Variants in DENND2C observed in about 807,000 individuals in gnomAD.
DENND2C encodes DENN domain-containing protein 2C.
In DENND2C, 72 loss-of-function variants were observed where a neutral mutation model predicts 112.4. That is an observed-to-expected ratio of 0.64 (90% confidence interval 0.53 to 0.78). The LOEUF (loss-of-function observed/expected upper bound fraction) is 0.78, where lower values mean the gene tolerates loss of function less well. Among genes scored for constraint, DENND2C ranks in the 30% least tolerant of loss-of-function variants. The pLI is 0.00. For synonymous variants in DENND2C, 329 were observed against 381.6 expected, an observed-to-expected ratio of 0.86 and a Z score of 1.61; for missense variants, 992 against 1,113.8, an observed-to-expected ratio of 0.89 and a Z score of 1.56.
chr1:114,621,014 A>G (rs941267960), intron 7 of DENND2C, among the ~76,000 whole-genome samples: 3 of 152,240 alleles, frequency 2.0e-5, no homozygotes, highest in Non-Finnish European at 4.4e-5. Flanking sequence ...TCACTACAGC[A>G]GAGTATGTGC....
chr1:114,628,468 G>A (rs1202424356), intron 3 of DENND2C, among the ~76,000 whole-genome samples: 1 of 152,026 alleles, frequency 6.6e-6, no homozygotes, highest in Non-Finnish European at 1.5e-5. Flanking sequence ...AAAATATGTA[G>A]GTATTTTCTT....
chr1:114,652,350 T>G (rs934615936), intron 2 of DENND2C, among the ~76,000 whole-genome samples: 3 of 152,192 alleles, frequency 2.0e-5, no homozygotes, highest in African/African-American at 7.2e-5. Flanking sequence ...CCCTCACACA[T>G]GCACTGCAAT....
intron 3 of DENND2C, among the ~76,000 whole-genome samples, chr1:114,631,713 C>T (rs1354375431): frequency 2.0e-5 from 3 of 151,874 alleles, no homozygotes; most frequent in Non-Finnish European, 2.9e-5. Flanking sequence ...ACATGGGAGG[C>T]GGAGCTTGCA....
intron 13 of DENND2C, 124 bp downstream of exon 13, chr1:114,601,384 C>CA (rs1222274215): frequency 6.7e-6 from 6 of 898,422 alleles, no homozygotes; most frequent in Non-Finnish European, 1.0e-5. Context: ...TTTAAGCCTT[C>CA]AGGCACGTGG....
chr1:114,641,699 G>T (rs928957381), intron 3 of DENND2C, among the ~76,000 whole-genome samples: 6 of 152,102 alleles, frequency 3.9e-5, no homozygotes, highest in African/African-American at 1.2e-4. Context: ...AGAACCATAA[G>T]CCAAATAAAC....
At chr1:114,652,410 C>T (rs1657190657) in intron 2 of DENND2C, among the ~76,000 whole-genome samples, 1 of 152,062 alleles carries the variant, frequency 6.6e-6, no homozygotes, top group Non-Finnish European at 1.5e-5. Flanking sequence ...TGTCCAGCCC[C>T]CTTTTCTCAA....
chr1:114,619,749 A>G (rs116729198), intron 7 of DENND2C, among the ~76,000 whole-genome samples: 4,011 of 152,342 alleles, frequency 0.026, 94 homozygotes, highest in Non-Finnish European at 0.034. Context: ...TTTGGGTTAC[A>G]TAATGACCCA....
At chr1:114,642,483 G>C (rs557695383) in intron 3 of DENND2C, among the ~76,000 whole-genome samples, 1 of 152,242 alleles carries the variant, frequency 6.6e-6, no homozygotes, top group Admixed American at 6.5e-5. Context: ...TTTGGTTCTT[G>C]GTTGTAAATC....
Position 114,623,111 on chromosome 1 carries a change from AT to A in DENND2C, c.944-13del, listed in dbSNP as rs1656212932. ...TTCTTTGGTGGGATCTTAAAAAATA[AT>A]TTAAAAAAATGTTTACATGAACATA... On this transcript the variant is annotated splice_polypyrimidine_tract_variant and intron_variant, in intron 5 of 20. Coordinates refer to ENST00000393274, the MANE Select transcript of DENND2C (RefSeq NM_001256404.2). The A allele has an allele frequency of 6.3e-7, 1 of 1,590,990 alleles. No homozygotes were observed. Among genetic ancestry groups the A allele is most frequent in the Non-Finnish European group, 8.5e-7 (1 of 1,170,132 alleles).
At chr1:114,617,859 A>AT (rs965645690) in intron 8 of DENND2C, among the ~76,000 whole-genome samples, 1 of 152,086 alleles carries the variant, frequency 6.6e-6, no homozygotes, top group Non-Finnish European at 1.5e-5. Flanking sequence ...GTTTATGATT[A>AT]TTTTTTCATT....
Position 114,623,093 on chromosome 1 carries a change from G to A in DENND2C, c.950C>T (p.Thr317Ile), listed in dbSNP as rs1404559458. The part of the protein sequence containing the change: ...DNIYEDIIYP[T>I]KENPYEDIPV... ...AATATCTTCATATGGATTTTCTTTG[G>A]TGGGATCTTAAAAAATAATTTAAAA... is the stretch of plus-strand genomic sequence containing the variant. The change falls in exon 6 of 21, where the codon ACC becomes ATC. Residue 317 changes from threonine to isoleucine, a missense_variant. Around this residue, in one of 3 missense-constraint regions of DENND2C, gnomAD observed 470 missense variants for 472.7 expected, o/e 0.99. Coordinates refer to ENST00000393274, the MANE Select transcript of DENND2C (RefSeq NM_001256404.2). 1.2e-6 allele frequency: 2 copies of A among 1,602,602 alleles called. No homozygotes were observed. Among genetic ancestry groups the A allele is most frequent in the Non-Finnish European group, 1.7e-6 (2 of 1,175,718 alleles).
intron 15 of DENND2C, 109 bp from the exon 16 acceptor site, chr1:114,599,560 T>A: frequency 1.1e-6 from 1 of 878,634 alleles, no homozygotes; most frequent in Non-Finnish European, 1.6e-6. Context: ...GATCATAGAT[T>A]AAAAACTATG....
At chr1:114,626,669 C>A (rs1210953806) in intron 3 of DENND2C, among the ~76,000 whole-genome samples, 1 of 151,852 alleles carries the variant, frequency 6.6e-6, no homozygotes, top group Non-Finnish European at 1.5e-5. Flanking sequence ...TGCCACCACA[C>A]CCAACTAAGT....
intron 10 of DENND2C, among the ~76,000 whole-genome samples, chr1:114,608,175 G>T (rs762549564): frequency 6.6e-6 from 1 of 151,976 alleles, no homozygotes; most frequent in Non-Finnish European, 1.5e-5. Flanking sequence ...TACTCAAGAG[G>T]CTTGAACCTG....
chr1:114,618,407 T>C lies in DENND2C; in HGVS notation c.1303A>G (p.Lys435Glu). 6.3e-7 allele frequency: 1 copy of C among 1,589,968 alleles called. No homozygotes were observed. The highest frequency in any genetic ancestry group is 8.5e-7 in the Non-Finnish European group (1 of 1,170,818). The change falls in exon 8 of 21, where the codon AAG (lysine) becomes GAG (glutamate). Residue 435 changes from lysine to glutamate, a missense_variant. By Grantham distance (56) the Lys-to-Glu change is moderately conservative (BLOSUM62 1). Coordinates refer to ENST00000393274, the MANE Select transcript of DENND2C (RefSeq NM_001256404.2). The stretch of plus-strand genomic sequence containing the variant: ...TTACCTTTTGTCGGAGGTAATTCCT[T>C]TCCAGTGTAAGAATGTAACTTTACC... ...KKVKLHSYTG[K>E]ELPPTKGETS...
At chr1:114,667,603 A>G (rs1657680081) in intron 1 of DENND2C, among the ~76,000 whole-genome samples, 1 of 152,234 alleles carries the variant, frequency 6.6e-6, no homozygotes, top group East Asian at 1.9e-4. Flanking sequence ...CTATAATTAC[A>G]TCGTTTTAAT....
chr1:114,619,305 T>G (rs1656093137), intron 7 of DENND2C, among the ~76,000 whole-genome samples: 1 of 152,056 alleles, frequency 6.6e-6, no homozygotes, highest in Admixed American at 6.5e-5. Context: ...ATACTTTTCT[T>G]TTTTTCTTAA....
At chr1:114,631,394 G>A (rs978304886) in intron 3 of DENND2C, among the ~76,000 whole-genome samples, 19 of 151,790 alleles carry the variant, frequency 1.3e-4, no homozygotes, top group Admixed American at 2.6e-4. Flanking sequence ...AAAATAAAAT[G>A]AAATAAAATA....
chr1:114,628,285 A>T (rs1302154321), intron 3 of DENND2C, among the ~76,000 whole-genome samples: 1 of 151,614 alleles, frequency 6.6e-6, no homozygotes, highest in African/African-American at 2.4e-5. Context: ...ACAGCATTGC[A>T]ATTTAGCCTG....
Sources: allele counts gnomAD v4.1 joint callset (sites outside exome capture counted in the v4.1 genomes callset), GRCh38; gene constraint gnomAD v4.1.1; regional missense constraint gnomAD v4.1.1; transcripts MANE v1.5; gene names NCBI Gene and HGNC (gene_info 2026-07-23, HGNC 2026-07-21).